FLT4: variants seen among roughly 807,000 people sequenced by gnomAD.
FLT4 encodes the protein fms related receptor tyrosine kinase 4, also known as vascular endothelial growth factor receptor 3.
FLT4 carries 30 observed loss-of-function variants against 163.2 expected under a neutral mutation model. The observed-to-expected ratio is 0.18, with a 90% CI of 0.14 to 0.25. The LOEUF (loss-of-function observed/expected upper bound fraction) is 0.25, where lower values mean the gene tolerates loss of function less well. Among genes scored for constraint, FLT4 ranks in the 10% least tolerant of loss-of-function variants. The pLI, the probability that FLT4 is intolerant of heterozygous loss-of-function variation, is 1.00. For synonymous variants in FLT4, 884 were observed against 789.5 expected, an observed-to-expected ratio of 1.12 and a Z score of -2.01; for missense variants, 1,510 against 1,863.8, an observed-to-expected ratio of 0.81 and a Z score of 3.50.
At chr5:180,643,359 C>T (rs1004372871) in intron 1 of FLT4, among the ~76,000 whole-genome samples, 4 of 152,214 alleles carry the variant, frequency 2.6e-5, no homozygotes, top group Non-Finnish European at 5.9e-5. Flanking sequence ...GCCCCCACCT[C>T]TCCTCACCAT....
intron 26 of FLT4, 163 bp from the exon 27 acceptor site, chr5:180,611,642 C>T: frequency 1.3e-6 from 1 of 761,064 alleles, no homozygotes. Context: ...GCCCTCAGCC[C>T]TCGCTCTGCC....
At chr5:180,626,373 A>G in intron 8 of FLT4, 108 bp from the exon 9 acceptor site, 6 of 1,253,942 alleles carry the variant, frequency 4.8e-6, no homozygotes, top group Non-Finnish European at 5.7e-6. Flanking sequence ...GGCTGGCAGG[A>G]GTGCAGGGTA....
At chr5:180,649,129 G>A (rs13175716) in intron 1 of FLT4, among the ~76,000 whole-genome samples, 56,727 of 151,482 alleles carry the variant, frequency 0.37, 12,348 homozygotes, top group East Asian at 0.6. Flanking sequence ...CGGGGACCCC[G>A]CGGGGAAGCG....
At chr5:180,631,928 ACCATG>A in intron 1 of FLT4, 150 bp from the exon 2 acceptor site, 1 of 122,080 alleles carries the variant, frequency 8.2e-6, no homozygotes, top group Non-Finnish European at 1.7e-5. Context: ...GCCTGGCCTC[ACCATG>A]TGCGCCGTGA....
At chr5:180,633,600 TC>T (rs1764334588) in intron 1 of FLT4, among the ~76,000 whole-genome samples, 1 of 152,102 alleles carries the variant, frequency 6.6e-6, no homozygotes, top group African/African-American at 2.4e-5. Context: ...GTGAGGTGGC[TC>T]CCCTCAGGTG....
chr5:180,623,667 G>A lies in FLT4; in HGVS notation c.1548+268C>T, dbSNP rs1360194410. On this transcript the variant is annotated intron_variant, in intron 11 of 29. Coordinates refer to ENST00000261937, the MANE Select transcript of FLT4 (RefSeq NM_182925.5). This position sits in a 1 kb window ranked among gnomAD's most constrained non-coding sequence, Gnocchi z 5.8. ...GTCCTGGGGCCTGTGGGCCTCAGGG[G>A]CTCATGGCCTGGCCAGGTGGCCTTG... Among the ~76,000 whole-genome samples the A allele has an allele frequency of 1.3e-5, 2 of 152,254 alleles. No homozygotes were observed. Among genetic ancestry groups the A allele is most frequent in the African/African-American group, 4.8e-5 (2 of 41,476 alleles).
At chr5:180,619,887 G>A in intron 17 of FLT4, 118 bp from the exon 18 acceptor site, 3 of 767,776 alleles carry the variant, frequency 3.9e-6, no homozygotes, top group Non-Finnish European at 6.6e-6. Flanking sequence ...CAGGAGGAGC[G>A]TGGGGAGCCA....
chr5:180,609,563 C>T, intron 28 of FLT4: 1 of 380,262 alleles, frequency 2.6e-6, no homozygotes, highest in Non-Finnish European at 5.0e-6. Flanking sequence ...TCCCTGTGGT[C>T]TGGCCAAGGG....
chr5:180,622,433 G>T (rs1164765232), intron 12 of FLT4, among the ~76,000 whole-genome samples: 1 of 152,064 alleles, frequency 6.6e-6, no homozygotes, highest in African/African-American at 2.4e-5. Flanking sequence ...GAGTCACAAG[G>T]TCTCAGGGCT....
At chr5:180,616,644 C>G (rs145493041) in intron 22 of FLT4, among the ~76,000 whole-genome samples, 155 bp from the exon 23 acceptor site, 1 of 152,298 alleles carries the variant, frequency 6.6e-6, no homozygotes, top group East Asian at 1.9e-4. Context: ...ATCTCCAGGA[C>G]TCATCATGGA....
Position 180,629,694 on chromosome 5 carries a change from A to C in FLT4, c.816+2T>G. The C allele has an allele frequency of 6.2e-7, 1 of 1,610,754 alleles. No homozygotes were observed. Among genetic ancestry groups the C allele is most frequent in the Non-Finnish European group, 8.5e-7 (1 of 1,179,188 alleles). ...ACAGCCTGGCAGCGCTGCTGACCTC[A>C]CCTGCTTCCCTGGGTAGTCCCAGTC... On this transcript the variant is annotated splice_donor_variant, in intron 6 of 29. Coordinates refer to ENST00000261937, the MANE Select transcript of FLT4 (RefSeq NM_182925.5). LOFTEE classifies it high-confidence loss of function.
At chr5:180,643,977 G>A (rs377469949) in intron 1 of FLT4, among the ~76,000 whole-genome samples, 11 of 152,130 alleles carry the variant, frequency 7.2e-5, no homozygotes, top group East Asian at 5.8e-4. Context: ...GCCTGCCACC[G>A]CACGCAGCTA....
In FLT4 at chr5:180,630,383, G is replaced by C. The variant is rs752461171; in HGVS notation, c.401-46C>G. On this transcript the variant is annotated intron_variant, in intron 3 of 29. Transcript: ENST00000261937. This position sits in a 1 kb window ranked among gnomAD's most constrained non-coding sequence, Gnocchi z 6.3. ...GTTGGGGAAGGGACGTGGCGGCCAGGCTGGGGGAGGGCTCCACGGGGCTGG... is the reference window on the plus strand; with the variant it reads ...GTTGGGGAAGGGACGTGGCGGCCAGCCTGGGGGAGGGCTCCACGGGGCTGG... 7.0e-6 allele frequency: 11 copies of C among 1,575,220 alleles called. No homozygotes were observed. The highest frequency in any genetic ancestry group is 8.7e-6 in the Non-Finnish European group (10 of 1,155,842).
At position 180,609,063 on chromosome 5, in the gene FLT4, G is replaced by C. The variant is rs1246578721; in HGVS notation, c.3808-10C>G. The C allele has an allele frequency of 1.9e-6, 3 of 1,613,082 alleles. No homozygotes were observed. The highest frequency in any genetic ancestry group is 2.5e-6 in the Non-Finnish European group (3 of 1,179,008). ...TGTCTGTCTGGTTGTCCTGTGTGGAGAGGACAAGCCAGGCTGTGGGTCCCG... is the reference window on the plus strand; with the variant it reads ...TGTCTGTCTGGTTGTCCTGTGTGGACAGGACAAGCCAGGCTGTGGGTCCCG... On this transcript the variant is annotated splice_polypyrimidine_tract_variant and intron_variant, in intron 28 of 29. Coordinates refer to ENST00000261937, the MANE Select transcript of FLT4 (RefSeq NM_182925.5).
intron 1 of FLT4, among the ~76,000 whole-genome samples, chr5:180,633,107 C>A (rs770275252): frequency 4.6e-5 from 7 of 152,148 alleles, no homozygotes; most frequent in Admixed American, 6.5e-5. Context: ...CCAGGGAATC[C>A]TTGACCCCAA....
intron 10 of FLT4, among the ~76,000 whole-genome samples, chr5:180,624,728 C>T (rs895282406): frequency 3.9e-5 from 6 of 152,254 alleles, no homozygotes; most frequent in East Asian, 1.9e-4. Context: ...ATGCTGCCCC[C>T]GGAGGCATCT....
At position 180,609,060 on chromosome 5, in the gene FLT4, GGA is replaced by G. The variant is rs1434361435; in HGVS notation, c.3808-9_3808-8del. 1.2e-5 allele frequency: 20 copies of G among 1,613,322 alleles called. No homozygotes were observed. The highest frequency in any genetic ancestry group is 1.6e-4 in the Middle Eastern group (1 of 6,062). On this transcript the variant is annotated splice_polypyrimidine_tract_variant and splice_region_variant and intron_variant, in intron 28 of 29. Transcript: ENST00000261937. ...CACTGTCTGTCTGGTTGTCCTGTGT[GGA>G]GAGGACAAGCCAGGCTGTGGGTCCC...
chr5:180,618,916 T>A lies in FLT4; in HGVS notation c.2855A>T (p.Lys952Met), dbSNP rs754420354. ...GAAGCGTCCGCGCTGCTCGGGAGAC[T>A]TCTCCTGCGGATGCACGAAGCTGGC... ...KRDAFSPCAE[K>M]SPEQRGRFRA... Residue 952 changes from lysine (K) to methionine (M), a missense_variant, in exon 21 of 30, where the codon AAG (lysine) becomes ATG (methionine). Physicochemically the swap from Lys to Met is moderately conservative, Grantham distance 95. Coordinates refer to ENST00000261937, the MANE Select transcript of FLT4 (RefSeq NM_182925.5). The A allele has an allele frequency of 6.3e-7, 1 of 1,585,390 alleles. No homozygotes were observed. Among genetic ancestry groups the A allele is most frequent in the South Asian group, 1.1e-5 (1 of 87,276 alleles).
chr5:180,628,468 A>G (rs968081786), intron 8 of FLT4, among the ~76,000 whole-genome samples: 9 of 152,214 alleles, frequency 5.9e-5, no homozygotes, highest in African/African-American at 2.2e-4. Flanking sequence ...TCCCTGTGGC[A>G]TCTCCAAATT....
Sources: gnomAD v4.1 joint callset for allele counts (sites outside exome capture counted in the v4.1 genomes callset) on GRCh38, gnomAD v4.1.1 for gene constraint, Gnocchi (gnomAD v3.1) non-coding constraint, MANE v1.5 for transcripts, NCBI Gene and HGNC (gene_info 2026-07-23, HGNC 2026-07-21) for gene names.